SHANK2: variants seen among roughly 807,000 people sequenced by gnomAD.
SHANK2 encodes SH3 and multiple ankyrin repeat domains protein 2.
SHANK2 carries 43 observed loss-of-function variants against 133.7 expected under a neutral mutation model. The ratio of observed to expected loss-of-function variants is 0.32; its 90% CI spans 0.25 to 0.41. The LOEUF is 0.41. Among genes scored for constraint, SHANK2 ranks in the 10% least tolerant of loss-of-function variants. The pLI, the probability that SHANK2 is intolerant of heterozygous loss-of-function variation, is 1.00. For synonymous variants in SHANK2, 1,017 were observed against 952.8 expected (o/e 1.07, Z -1.24); for missense variants, 1,994 against 2,235.8 (o/e 0.89, Z 2.18).
At chr11:71,207,831 C>G (rs1276919739) in intron 2 of SHANK2, among the ~76,000 whole-genome samples, 1 of 152,112 alleles carries the variant, frequency 6.6e-6, no homozygotes, top group African/African-American at 2.4e-5. Flanking sequence ...TGCACCAGGC[C>G]TCTCTGGAAG....
chr11:71,117,495 C>G (rs4609631), intron 4 of SHANK2, among the ~76,000 whole-genome samples: 10,117 of 152,258 alleles, frequency 0.066, 511 homozygotes, highest in Non-Finnish European at 0.096. Flanking sequence ...AGGTAGCTTC[C>G]AGGATGGGGG....
intron 4 of SHANK2, among the ~76,000 whole-genome samples, chr11:71,117,024 G>T (rs73521168): frequency 0.011 from 1,698 of 152,132 alleles, 33 homozygotes; most frequent in African/African-American, 0.039. Flanking sequence ...AGGTTTTTTT[G>T]TTGTTGTTGT....
chr11:70,720,284 C>CT (rs1408317974), intron 14 of SHANK2, among the ~76,000 whole-genome samples: 1 of 152,220 alleles, frequency 6.6e-6, no homozygotes, highest in Non-Finnish European at 1.5e-5. Flanking sequence ...ATCACCTCGT[C>CT]TAACTGGTTT....
intron 14 of SHANK2, among the ~76,000 whole-genome samples, chr11:70,754,642 T>TG (rs1273210843): frequency 6.6e-6 from 1 of 152,220 alleles, no homozygotes; most frequent in Non-Finnish European, 1.5e-5. Context: ...CTGAGTAGCC[T>TG]GGCAAAGGCA....
At chr11:70,903,723 TC>T (rs1950058285) in intron 10 of SHANK2, among the ~76,000 whole-genome samples, 1 of 152,172 alleles carries the variant, frequency 6.6e-6, no homozygotes, top group African/African-American at 2.4e-5. Flanking sequence ...AGCCCTGTTG[TC>T]TCTTCTGCCA....
chr11:70,641,926 T>C lies in SHANK2; in HGVS notation c.2061+17902A>G, dbSNP rs181696857. On this transcript the variant is annotated intron_variant, in intron 17 of 25. Transcript: ENST00000601538. The stretch of plus-strand genomic sequence containing the variant: ...AGCTGTGCTAGCACAAAAGGGCCAA[T>C]CTCTCTGGGCAAGGGTTGCACTAGG... Among the ~76,000 whole-genome samples the C allele has an allele frequency of 1.6e-3, 242 of 152,238 alleles. 4 individuals are homozygous for C. The East Asian group carries it at 0.034, about 22-fold the overall frequency.
rs1555012832 is a variant in SHANK2, at chr11:70,659,971, C to G, written c.1937-19G>C. ...GTGTCAGCTGGGAAGACAAGCAGCACCTGGTTACAAGCCTGGGAGATGTCT... is the reference window on the plus strand; with the variant it reads ...GTGTCAGCTGGGAAGACAAGCAGCAGCTGGTTACAAGCCTGGGAGATGTCT... On this transcript the variant is annotated intron_variant, in intron 16 of 25. Coordinates refer to ENST00000601538, the MANE Select transcript of SHANK2 (RefSeq NM_012309.5). 6.2e-7 allele frequency: 1 copy of G among 1,614,128 alleles called. No individual in the cohort carries two copies. The highest frequency in any genetic ancestry group is 1.1e-5 in the South Asian group (1 of 91,080).
chr11:70,784,364 T>TTTTTTTTTG lies in SHANK2; in HGVS notation c.1777+14078_1777+14079insCAAAAAAAA, dbSNP rs1565313752. Among the ~76,000 whole-genome samples, 9 of 133,482 alleles carry TTTTTTTTTG rather than the reference T, an allele frequency of 6.7e-5. 1 individual carries two copies. Among genetic ancestry groups the TTTTTTTTTG allele is most frequent in the African/African-American group, 2.9e-4 (9 of 30,534 alleles). 87.6% of individuals were successfully genotyped at this position (133,482 alleles called of 152,430 possible). Reference sequence around the variant, plus strand: ...GCTAGTTTTTTTTTTTTTTTTTTTTTTTTTTTTTTTTAAGTAGCGACGGGG... The same window carrying TTTTTTTTTG: ...GCTAGTTTTTTTTTTTTTTTTTTTTTTTTTTTTTGTTTTTTTTTTTAAGTAGCGACGGGG... On this transcript the variant is annotated intron_variant, in intron 14 of 25. Coordinates refer to ENST00000601538, the MANE Select transcript of SHANK2 (RefSeq NM_012309.5).
chr11:71,100,730 G>T (rs1951703795), intron 6 of SHANK2, among the ~76,000 whole-genome samples: 1 of 151,976 alleles, frequency 6.6e-6, no homozygotes, highest in Non-Finnish European at 1.5e-5. Context: ...ACTCAGGCAT[G>T]GTGGCACACG....
chr11:70,587,143 T>C (rs1401180959), intron 17 of SHANK2, among the ~76,000 whole-genome samples: 1 of 152,158 alleles, frequency 6.6e-6, no homozygotes, highest in Non-Finnish European at 1.5e-5. Context: ...ACTAGGGTTG[T>C]TGCGTCACTT....
intron 11 of SHANK2, among the ~76,000 whole-genome samples, chr11:70,886,689 TCACACAATCACA>T (rs1260379086): frequency 9.8e-5 from 5 of 50,926 alleles, no homozygotes; most frequent in African/African-American, 1.7e-4. Context: ...ACACACACAA[TCACACAATCACA>T]CACACACACA....
chr11:70,824,755 C>A (rs1184463884), intron 11 of SHANK2, among the ~76,000 whole-genome samples: 1 of 152,182 alleles, frequency 6.6e-6, no homozygotes, highest in Non-Finnish European at 1.5e-5. Flanking sequence ...TACAAAGATA[C>A]GACTGGCCCA....
At chr11:70,922,264 G>A (rs542926790) in intron 10 of SHANK2, among the ~76,000 whole-genome samples, 9 of 152,118 alleles carry the variant, frequency 5.9e-5, no homozygotes, top group Admixed American at 6.5e-5. Flanking sequence ...AAAACAGAAC[G>A]GACACATATA....
At chr11:70,847,923 A>C (rs1424268031) in intron 11 of SHANK2, among the ~76,000 whole-genome samples, 1 of 152,192 alleles carries the variant, frequency 6.6e-6, no homozygotes, top group East Asian at 1.9e-4. Flanking sequence ...CCCAGGCTTC[A>C]CGGCTACAGG....
intron 17 of SHANK2, among the ~76,000 whole-genome samples, chr11:70,606,607 G>T (rs1400615785): frequency 6.7e-6 from 1 of 150,012 alleles, no homozygotes; most frequent in African/African-American, 2.4e-5. Flanking sequence ...TTTGTGGGGG[G>T]CCAAGTCCTG....
chr11:71,243,588 G>A (rs559772923), intron 1 of SHANK2, among the ~76,000 whole-genome samples: 10 of 152,258 alleles, frequency 6.6e-5, no homozygotes, highest in East Asian at 1.9e-4. Context: ...CCAGCTACTC[G>A]GGAGGCTGAG....
At chr11:71,240,001 A>T (rs1481702911) in intron 1 of SHANK2, among the ~76,000 whole-genome samples, 1 of 152,210 alleles carries the variant, frequency 6.6e-6, no homozygotes, top group Non-Finnish European at 1.5e-5. Flanking sequence ...CCGTCTGAAT[A>T]TCCAAGGGTC....
intron 2 of SHANK2, among the ~76,000 whole-genome samples, chr11:71,165,221 C>T (rs1403868740): frequency 1.3e-5 from 2 of 151,726 alleles, no homozygotes; most frequent in Non-Finnish European, 2.9e-5. Flanking sequence ...TTAGTAGAGA[C>T]GGGGGTCTCA....
intron 2 of SHANK2, among the ~76,000 whole-genome samples, chr11:71,164,211 TC>T (rs1429748421): frequency 4.6e-5 from 7 of 152,074 alleles, no homozygotes; most frequent in Non-Finnish European, 8.8e-5. Flanking sequence ...ACTAAAATCA[TC>T]CCCAGGTACA....
Sources: allele counts gnomAD v4.1 joint callset (sites outside exome capture counted in the v4.1 genomes callset), GRCh38; gene constraint gnomAD v4.1.1; transcripts MANE v1.5; gene names NCBI Gene and HGNC (gene_info 2026-07-23, HGNC 2026-07-21).